The following SATL1 variants were observed in gnomAD, a reference collection of about 807,000 sequenced individuals.
SATL1 encodes spermidine/spermine N1-acetyl transferase like 1.
Under a neutral mutation model 51.8 loss-of-function variants are expected in SATL1, and 47 were observed. The observed-to-expected ratio is 0.91, with a 90% CI of 0.72 to 1.16. The LOEUF (loss-of-function observed/expected upper bound fraction) is 1.16. SATL1 is among the 50% of genes most tolerant of loss of function. The pLI, the probability that SATL1 is intolerant of heterozygous loss-of-function variation, is 0.00. For missense variants in SATL1, 520 were observed against 526.4 expected, an observed-to-expected ratio of 0.99 and a Z score of 0.12; for synonymous variants, 176 against 182.4, an observed-to-expected ratio of 0.97 and a Z score of 0.28.
intron 2 of SATL1, among the ~76,000 whole-genome samples, chrX:85,161,304 T>C (rs1489189610): frequency 1.8e-5 from 2 of 110,624 alleles, no homozygotes; most frequent in East Asian, 5.7e-4. Flanking sequence ...AATCCACACA[T>C]ATCAATACTA....
At chrX:85,199,585 G>A (rs1313066601) in intron 2 of SATL1, among the ~76,000 whole-genome samples, 1 of 112,033 alleles carries the variant, frequency 8.9e-6, no homozygotes, top group Non-Finnish European at 1.9e-5. Context: ...AATGAAGTAC[G>A]ATTCAGCCAT....
chrX:85,134,879 A>G (rs931787905), intron 2 of SATL1, among the ~76,000 whole-genome samples: 9 of 111,693 alleles, frequency 8.1e-5, no homozygotes, highest in African/African-American at 2.9e-4. Flanking sequence ...ATGCCATGCT[A>G]AAATGTTTGG....
At chrX:85,227,913 T>G (rs2147764193) in intron 1 of SATL1, among the ~76,000 whole-genome samples, 1 of 111,468 alleles carries the variant, frequency 9.0e-6, no homozygotes, top group Admixed American at 9.5e-5. Flanking sequence ...AAGCACCATC[T>G]TTTAGAGGCA....
chrX:85,127,028 TTA>T (rs1925646163), intron 2 of SATL1, among the ~76,000 whole-genome samples: 1 of 111,408 alleles, frequency 9.0e-6, no homozygotes, highest in South Asian at 3.8e-4. Flanking sequence ...TCATATAATT[TTA>T]ATGTATTATT....
chrX:85,177,971 A>T (rs1423178793), intron 2 of SATL1, among the ~76,000 whole-genome samples: 1 of 111,864 alleles, frequency 8.9e-6, no homozygotes, highest in Non-Finnish European at 1.9e-5. Context: ...GCATCTTCAG[A>T]TGGGAAAGCA....
At chrX:85,159,550 G>A (rs1191182595) in intron 2 of SATL1, among the ~76,000 whole-genome samples, 1 of 111,736 alleles carries the variant, frequency 8.9e-6, no homozygotes, top group African/African-American at 3.3e-5. Context: ...TGTCTTCCGG[G>A]AAACTGGTCC....
At chrX:85,186,615 C>A (rs1927318870) in intron 2 of SATL1, among the ~76,000 whole-genome samples, 1 of 111,488 alleles carries the variant, frequency 9.0e-6, no homozygotes, top group Non-Finnish European at 1.9e-5. Flanking sequence ...CAGTGCAATA[C>A]TAAATTTCAA....
rs771955648 is a variant in SATL1, at chrX:85,107,990, TCCTA to T, written c.975_978del (p.Arg326AlafsTer10). Reference sequence around the variant, plus strand: ...CTTTGTGGCCACATGCCTGGTTGGCTCCTACCTAATTGCCATGTGCCTGGTTGTT... The same window carrying T: ...CTTTGTGGCCACATGCCTGGTTGGCTCCTAATTGCCATGTGCCTGGTTGTT... On this transcript the variant is annotated frameshift_variant, in exon 3 of 8. Transcript: ENST00000644105. LOFTEE classifies it high-confidence loss of function. The T allele has an allele frequency of 8.3e-7, 1 of 1,209,905 alleles. No homozygotes were observed. The highest frequency in any genetic ancestry group is 1.8e-5 in the African/African-American group (1 of 57,074).
intron 1 of SATL1, among the ~76,000 whole-genome samples, chrX:85,233,695 A>G (rs1389292969): frequency 8.9e-6 from 1 of 112,334 alleles, no homozygotes. Flanking sequence ...AAACAGAGAA[A>G]AGAATTATTG....
At chrX:85,240,910 C>T (rs1488938790) in intron 1 of SATL1, among the ~76,000 whole-genome samples, 1 of 110,481 alleles carries the variant, frequency 9.1e-6, no homozygotes, top group Non-Finnish European at 1.9e-5. Flanking sequence ...AGGCGTGAGC[C>T]ACCGCACCTG....
intron 2 of SATL1, among the ~76,000 whole-genome samples, chrX:85,158,586 A>G (rs1312858128): frequency 8.9e-6 from 1 of 112,065 alleles, no homozygotes; most frequent in Non-Finnish European, 1.9e-5. Flanking sequence ...ATATGCTTGA[A>G]TTACTTTCAC....
At chrX:85,221,521 T>G (rs1381293551) in intron 2 of SATL1, among the ~76,000 whole-genome samples, 1 of 111,956 alleles carries the variant, frequency 8.9e-6, no homozygotes, top group Non-Finnish European at 1.9e-5. Flanking sequence ...ATTTCTTCAC[T>G]TACTTCACTT....
chrX:85,178,266 A>G (rs1036345044), intron 2 of SATL1, among the ~76,000 whole-genome samples: 2 of 111,305 alleles, frequency 1.8e-5, no homozygotes, highest in Non-Finnish European at 3.8e-5. Flanking sequence ...CATCAATTTG[A>G]CAGTTCATTC....
intron 3 of SATL1, among the ~76,000 whole-genome samples, chrX:85,106,859 A>G (rs867793098): frequency 8.9e-6 from 1 of 111,920 alleles, no homozygotes; most frequent in African/African-American, 3.2e-5. Context: ...GCTGATCATC[A>G]GTTTCTACAA....
At chrX:85,162,847 T>C (rs781588483) in intron 2 of SATL1, among the ~76,000 whole-genome samples, 73 of 111,855 alleles carry the variant, frequency 6.5e-4, no homozygotes, top group African/African-American at 2.3e-3. Context: ...TCACATTTGC[T>C]GACTTGCATA....
chrX:85,173,056 G>A (rs1279450384), intron 2 of SATL1, among the ~76,000 whole-genome samples: 1 of 110,568 alleles, frequency 9.0e-6, no homozygotes. Flanking sequence ...AAATATCCAC[G>A]CCATGAGAAA....
intron 2 of SATL1, among the ~76,000 whole-genome samples, chrX:85,216,443 T>A (rs1928044910): frequency 9.0e-6 from 1 of 111,170 alleles, no homozygotes; most frequent in Admixed American, 9.5e-5. Context: ...TGCATTCTCA[T>A]CTGGAGTTTG....
At chrX:85,193,218 T>C (rs1411120929) in intron 2 of SATL1, among the ~76,000 whole-genome samples, 1 of 112,006 alleles carries the variant, frequency 8.9e-6, no homozygotes, top group Admixed American at 9.6e-5. Flanking sequence ...GTACTCAAAC[T>C]CACAGTCTAA....
intron 2 of SATL1, among the ~76,000 whole-genome samples, chrX:85,160,170 G>GA (rs927388459): frequency 1.2e-4 from 13 of 107,787 alleles, no homozygotes; most frequent in South Asian, 4.0e-4. Context: ...TAGGAGAAAA[G>GA]AAAAAAAAAT....
Sources: allele counts gnomAD v4.1 joint callset (sites outside exome capture counted in the v4.1 genomes callset), GRCh38; gene constraint gnomAD v4.1.1; transcripts MANE v1.5; gene names NCBI Gene and HGNC (gene_info 2026-07-23, HGNC 2026-07-21).